Variants in KCNB2 observed in about 807,000 individuals in gnomAD.
KCNB2 encodes the protein delayed rectifier potassium channel protein.
Under a neutral mutation model 61.5 loss-of-function variants are expected in KCNB2, and 15 were observed. That is an observed-to-expected ratio of 0.24 (90% CI 0.16 to 0.38). The LOEUF (loss-of-function observed/expected upper bound fraction) is 0.38. Ranked by LOEUF, KCNB2 falls within the 10% of genes least tolerant of loss-of-function variation. KCNB2 has a pLI of 1.00. For synonymous variants in KCNB2, 457 were observed against 446.0 expected, an observed-to-expected ratio of 1.02 and a Z score of -0.31; for missense variants, 828 against 1,125.2, an observed-to-expected ratio of 0.74 and a Z score of 3.78.
chr8:72,875,342 C>T (rs1585947888), intron 2 of KCNB2: 1 of 152,402 alleles, frequency 6.6e-6, no homozygotes, highest in African/African-American at 2.4e-5. Context: ...ACATCAGAAC[C>T]ACCTGGGAGC....
intron 2 of KCNB2, among the ~76,000 whole-genome samples, chr8:72,674,557 T>A (rs752132196): frequency 1.3e-5 from 2 of 152,276 alleles, no homozygotes; most frequent in Non-Finnish European, 2.9e-5. Flanking sequence ...AATAAAAAGA[T>A]GCCTTGTAAA....
At chr8:72,766,644 C>A (rs562921462) in intron 2 of KCNB2, among the ~76,000 whole-genome samples, 1 of 152,134 alleles carries the variant, frequency 6.6e-6, no homozygotes, top group Non-Finnish European at 1.5e-5. Context: ...AATGTATTAA[C>A]GCGTGCACTT....
intron 2 of KCNB2, among the ~76,000 whole-genome samples, chr8:72,679,794 A>G (rs1277854299): frequency 6.6e-6 from 1 of 152,182 alleles, no homozygotes; most frequent in Non-Finnish European, 1.5e-5. Flanking sequence ...ATCTCTGGAC[A>G]GCAGCAGCAC....
intron 2 of KCNB2, among the ~76,000 whole-genome samples, chr8:72,606,424 G>A (rs1221370952): frequency 3.9e-5 from 6 of 152,084 alleles, no homozygotes; most frequent in Admixed American, 3.3e-4. Context: ...TTTAAAAATG[G>A]GAAATGCATC....
intron 2 of KCNB2, among the ~76,000 whole-genome samples, chr8:72,894,689 G>A (rs1002017810): frequency 6.6e-6 from 1 of 152,094 alleles, no homozygotes; most frequent in Admixed American, 6.5e-5. Context: ...CTGTTTGGAT[G>A]TTGACTGGTC....
At chr8:72,631,893 C>T (rs1805887618) in intron 2 of KCNB2, among the ~76,000 whole-genome samples, 1 of 152,086 alleles carries the variant, frequency 6.6e-6, no homozygotes, top group Admixed American at 6.6e-5. Flanking sequence ...ACTCAGCCCA[C>T]TGCCTTTTTC....
At position 72,627,505 on chromosome 8, in the gene KCNB2, A is replaced by G. The variant is rs553496760; in HGVS notation, c.579+59192A>G. On this transcript the variant is annotated intron_variant, in intron 2 of 2. Coordinates refer to ENST00000523207, the MANE Select transcript of KCNB2 (RefSeq NM_004770.3). ...TGAAAATTGGAAATTGTCCCAACAC[A>G]TTTTGATACATTAGAGAACAATTTG... Among the ~76,000 whole-genome samples the G allele has an allele frequency of 1.0e-3, 155 of 152,316 alleles. 1 individual carries two copies. Among genetic ancestry groups the G allele is most frequent in the African/African-American group, 1.1e-3 (45 of 41,576 alleles).
In KCNB2 at chr8:72,806,964, C is replaced by G. The variant is rs147390509; in HGVS notation, c.580-128971C>G. Among the ~76,000 whole-genome samples, 350 of 152,304 alleles carry G rather than the reference C, an allele frequency of 2.3e-3. 3 individuals are homozygous for G. The highest frequency in any genetic ancestry group is 7.9e-3 in the African/African-American group (328 of 41,554). On this transcript the variant is annotated intron_variant, in intron 2 of 2. Transcript: ENST00000523207. Reference sequence around the variant, plus strand: ...CTCTCTTTCTTCTTCCCTCCCTCTCCTCTTCTCCTCACCCCCTTTGGGGCA... The same window carrying G: ...CTCTCTTTCTTCTTCCCTCCCTCTCGTCTTCTCCTCACCCCCTTTGGGGCA...
In KCNB2 at chr8:72,561,010, A is replaced by G. The variant is rs563766848; in HGVS notation, c.-93-6632A>G. Reference sequence around the variant, plus strand: ...TTGGAGACAGCTATGATATTGAAAGATGCTCATATTACATATCCTATTTAT... The same window carrying G: ...TTGGAGACAGCTATGATATTGAAAGGTGCTCATATTACATATCCTATTTAT... On this transcript the variant is annotated intron_variant, in intron 1 of 2. Transcript: ENST00000523207. Among the ~76,000 whole-genome samples, 84 of 152,316 alleles carry G rather than the reference A, an allele frequency of 5.5e-4. 1 individual carries two copies. In the Middle Eastern group the frequency reaches 0.01, roughly 19 times the overall value.
chr8:72,593,432 C>A (rs1024500281), intron 2 of KCNB2, among the ~76,000 whole-genome samples: 1 of 152,104 alleles, frequency 6.6e-6, no homozygotes, highest in African/African-American at 2.4e-5. Flanking sequence ...TCTTTAGCAA[C>A]TAAAGAGAAA....
intron 2 of KCNB2, among the ~76,000 whole-genome samples, chr8:72,682,674 G>A (rs1239520053): frequency 6.6e-6 from 1 of 151,564 alleles, no homozygotes; most frequent in Non-Finnish European, 1.5e-5. Context: ...GCTCACTGCA[G>A]CCTCAATTTC....
rs1554535735 is a variant in KCNB2 at position 72,821,659 on chromosome 8, A to AAAC, written c.580-114275_580-114274insACA. On this transcript the variant is annotated intron_variant, in intron 2 of 2. Coordinates refer to ENST00000523207, the MANE Select transcript of KCNB2 (RefSeq NM_004770.3). ...AAAAAAACAAAAAAAAAAAAAAAAAAACACACACACACCAAGCCCCCACAG... is the reference window on the plus strand; with the variant it reads ...AAAAAAACAAAAAAAAAAAAAAAAAAAACACACACACACACCAAGCCCCCACAG... Among the ~76,000 whole-genome samples, 802 of 116,504 alleles carry AAAC rather than the reference A, an allele frequency of 6.9e-3. 50 individuals are homozygous for AAAC. Among genetic ancestry groups the AAAC allele is most frequent in the Non-Finnish European group, 9.1e-3 (530 of 58,400 alleles). The allele number at this position is 116,504 out of a possible 152,430, so 76.4% of individuals were successfully genotyped here.
At chr8:72,654,814 G>A (rs1206760526) in intron 2 of KCNB2, among the ~76,000 whole-genome samples, 1 of 152,144 alleles carries the variant, frequency 6.6e-6, no homozygotes, top group Non-Finnish European at 1.5e-5. Flanking sequence ...TACTGCTGAC[G>A]AGGTTACGGG....
chr8:72,607,901 GT>G (rs1805478234), intron 2 of KCNB2, among the ~76,000 whole-genome samples: 2 of 152,038 alleles, frequency 1.3e-5, no homozygotes, highest in African/African-American at 4.8e-5. Flanking sequence ...ATTTAACTGG[GT>G]TAGTACATAA....
chr8:72,572,340 T>C (rs1269332478), intron 2 of KCNB2, among the ~76,000 whole-genome samples: 3 of 152,132 alleles, frequency 2.0e-5, no homozygotes, highest in East Asian at 1.9e-4. Context: ...GCAGCCCTTA[T>C]TGGATAAGAA....
chr8:72,757,447 G>A lies in KCNB2; in HGVS notation c.580-178488G>A, dbSNP rs567155560. The stretch of plus-strand genomic sequence containing the variant: ...CCTGGAGGAAAAGGCAGAATTCAGG[G>A]AGGAATTTTCTTTATCTGGTGAATT... On this transcript the variant is annotated intron_variant, in intron 2 of 2. Coordinates refer to ENST00000523207, the MANE Select transcript of KCNB2 (RefSeq NM_004770.3). Among the ~76,000 whole-genome samples, 16 of 152,286 alleles carry A rather than the reference G, an allele frequency of 1.1e-4. No individual in the cohort carries two copies. In the South Asian group the frequency reaches 3.3e-3, roughly 32 times the overall value.
chr8:72,821,197 G>C (rs1448607828), intron 2 of KCNB2, among the ~76,000 whole-genome samples: 3 of 152,128 alleles, frequency 2.0e-5, no homozygotes, highest in Non-Finnish European at 4.4e-5. Flanking sequence ...GAACCCTCTT[G>C]TTCATATGCC....
intron 2 of KCNB2, among the ~76,000 whole-genome samples, chr8:72,671,437 C>T (rs937478102): frequency 3.3e-5 from 5 of 152,126 alleles, no homozygotes; most frequent in African/African-American, 9.7e-5. Flanking sequence ...CTGTATTAGG[C>T]ACTGTGTTGG....
At chr8:72,619,382 G>T in intron 2 of KCNB2, 1 of 510,396 alleles carries the variant, frequency 2.0e-6, no homozygotes, top group Non-Finnish European at 3.8e-6. Context: ...CTTTCTGCCT[G>T]TTTCAAGTCA....
Sources: allele counts gnomAD v4.1 joint callset (sites outside exome capture counted in the v4.1 genomes callset), GRCh38; gene constraint gnomAD v4.1.1; transcripts MANE v1.5; gene names NCBI Gene and HGNC (gene_info 2026-07-23, HGNC 2026-07-21).